Variants in NSG1 observed in about 807,000 individuals in gnomAD.
NSG1 encodes neuronal vesicle trafficking associated 1.
A neutral mutation model predicts 19.3 loss-of-function variants in NSG1; 9 were observed. That is an observed-to-expected ratio of 0.47 (90% CI 0.28 to 0.81). The LOEUF is 0.81. NSG1 is among the 40% of genes least tolerant of loss of function. NSG1 has a pLI of 0.11. For synonymous variants in NSG1, 104 were observed against 107.0 expected (o/e 0.97, Z 0.17); for missense variants, 236 against 242.4 (o/e 0.97, Z 0.18).
intron 3 of NSG1, among the ~76,000 whole-genome samples, chr4:4,407,011 T>C (rs1373247620): frequency 6.6e-6 from 1 of 152,256 alleles, no homozygotes; most frequent in Non-Finnish European, 1.5e-5. Flanking sequence ...TGCGCTGGCC[T>C]GTGCACTGCA....
At chr4:4,401,711 G>T (rs1723556233) in intron 3 of NSG1, among the ~76,000 whole-genome samples, 1 of 152,176 alleles carries the variant, frequency 6.6e-6, no homozygotes, top group African/African-American at 2.4e-5. Flanking sequence ...TCCCCTGGCT[G>T]CCTGGGGATT....
chr4:4,395,091 C>T (rs1306368155), intron 3 of NSG1, among the ~76,000 whole-genome samples: 1 of 152,222 alleles, frequency 6.6e-6, no homozygotes, highest in East Asian at 1.9e-4. Flanking sequence ...AACTTGCATT[C>T]TAAGGGCATC....
chr4:4,395,588 A>G (rs1318478978), intron 3 of NSG1, among the ~76,000 whole-genome samples: 2 of 152,040 alleles, frequency 1.3e-5, no homozygotes, highest in African/African-American at 4.8e-5. Flanking sequence ...TATGCTGGAG[A>G]CACGGGCATG....
intron 3 of NSG1, among the ~76,000 whole-genome samples, chr4:4,406,776 G>A (rs1723882249): frequency 6.6e-6 from 1 of 152,216 alleles, no homozygotes; most frequent in African/African-American, 2.4e-5. Context: ...CTCCCGGCCA[G>A]TGAGCTAGAG....
At chr4:4,404,279 G>A (rs1226690122) in intron 3 of NSG1, among the ~76,000 whole-genome samples, 2 of 152,228 alleles carry the variant, frequency 1.3e-5, no homozygotes, top group Non-Finnish European at 2.9e-5. Context: ...GCCCAGCATG[G>A]AGCCTGCAAC....
intron 3 of NSG1, among the ~76,000 whole-genome samples, chr4:4,393,029 G>A (rs1213849340): frequency 6.6e-6 from 1 of 152,136 alleles, no homozygotes; most frequent in African/African-American, 2.4e-5. Context: ...CTTATCTGCT[G>A]CCACTCACCT....
intron 4 of NSG1, among the ~76,000 whole-genome samples, chr4:4,410,227 G>A (rs1404172802): frequency 1.3e-5 from 2 of 152,212 alleles, no homozygotes; most frequent in Admixed American, 1.3e-4. Flanking sequence ...CTGGTGCTGG[G>A]CTCTCTACAG....
At position 4,403,056 on chromosome 4, in the gene NSG1, G is replaced by A. The variant is rs114039072; in HGVS notation, c.247-6517G>A. ...TCCAGGTGTCCAAGAGTTGTTCAGT[G>A]TGTGTTCATTAGGAGATGGAGTATC... On this transcript the variant is annotated intron_variant, in intron 3 of 4. Transcript: ENST00000621129. Among the ~76,000 whole-genome samples the A allele has an allele frequency of 1.4e-3, 217 of 152,346 alleles. 1 individual carries two copies. The highest frequency in any genetic ancestry group is 4.9e-3 in the African/African-American group (204 of 41,578).
Position 4,417,628 on chromosome 4 carries a change from G to A in NSG1, c.*193G>A, listed in dbSNP as rs1261125191. On this transcript the variant is annotated 3_prime_UTR_variant, in exon 5 of 5. Transcript: ENST00000621129. ...CGGGCATAAAATCAAGTGCATTTCAGCATTGCCTAAAGAGCTCTGACACCA... is the reference window on the plus strand; with the variant it reads ...CGGGCATAAAATCAAGTGCATTTCAACATTGCCTAAAGAGCTCTGACACCA... The A allele has an allele frequency of 5.0e-6, 3 of 598,190 alleles. No homozygotes were observed. The highest frequency in any genetic ancestry group is 1.9e-5 in the African/African-American group (1 of 53,774). The allele number at this position is 598,190 out of a possible 1,614,324, so 37.1% of individuals were successfully genotyped here. A position where few individuals can be genotyped will look rare whatever the true frequency, so the allele number is the denominator to read the frequency against.
At chr4:4,402,051 T>TC (rs1723575753) in intron 3 of NSG1, among the ~76,000 whole-genome samples, 1 of 141,692 alleles carries the variant, frequency 7.1e-6, no homozygotes, top group African/African-American at 2.7e-5. Flanking sequence ...CAGCTAATTT[T>TC]TTTTTTTTTT....
chr4:4,399,182 G>T (rs773514078), intron 3 of NSG1, among the ~76,000 whole-genome samples: 5 of 151,942 alleles, frequency 3.3e-5, no homozygotes, highest in Non-Finnish European at 5.9e-5. Context: ...TCACTCTGTC[G>T]CCGAGGCTGG....
Position 4,409,657 on chromosome 4 carries a change from G to A in NSG1, c.331G>A (p.Ala111Thr), listed in dbSNP as rs781465005. 6.2e-6 allele frequency: 10 copies of A among 1,614,004 alleles called. No individual in the cohort carries two copies. The highest frequency in any genetic ancestry group is 1.6e-4 in the Middle Eastern group (1 of 6,084). Reference protein sequence around the residue: ...VVYKVYKYDRACPDGFVLKNT... With the variant: ...VVYKVYKYDRTCPDGFVLKNT... ...CTACAAGGTGTACAAGTATGACCGCGCCTGCCCCGATGGGTTCGTCCTCAA... is the reference window on the plus strand; with the variant it reads ...CTACAAGGTGTACAAGTATGACCGCACCTGCCCCGATGGGTTCGTCCTCAA... Residue 111 changes from alanine (A) to threonine (T), a missense_variant, in exon 4 of 5, where the codon GCC (alanine) becomes ACC (threonine). Physicochemically the swap from Ala to Thr is moderately conservative, Grantham distance 58. Coordinates refer to ENST00000621129, the MANE Select transcript of NSG1 (RefSeq NM_014392.5).
chr4:4,399,430 A>C (rs1203825911), intron 3 of NSG1, among the ~76,000 whole-genome samples: 1 of 146,684 alleles, frequency 6.8e-6, no homozygotes, highest in African/African-American at 2.5e-5. Context: ...GGTGTGAGCC[A>C]CCTCACCCAG....
intron 4 of NSG1, among the ~76,000 whole-genome samples, chr4:4,414,638 A>G (rs1459250063): frequency 6.6e-6 from 1 of 152,236 alleles, no homozygotes; most frequent in Non-Finnish European, 1.5e-5. Context: ...GAATGCATCC[A>G]GAAGCCCTTT....
At chr4:4,401,064 T>C (rs568469419) in intron 3 of NSG1, among the ~76,000 whole-genome samples, 34 of 148,176 alleles carry the variant, frequency 2.3e-4, no homozygotes, top group African/African-American at 8.7e-4. Context: ...CCCACAGCAG[T>C]GGGGGCTGGG....
intron 4 of NSG1, chr4:4,416,210 G>C: frequency 1.4e-6 from 1 of 702,204 alleles, no homozygotes; most frequent in Non-Finnish European, 2.6e-6. Context: ...CAGCTGGTAC[G>C]GTGGGCCTGG....
intron 3 of NSG1, among the ~76,000 whole-genome samples, chr4:4,406,611 G>T (rs942484469): frequency 1.3e-5 from 2 of 152,126 alleles, no homozygotes; most frequent in African/African-American, 4.8e-5. Context: ...GCACACCCCA[G>T]GGCCAGTGAG....
At chr4:4,414,565 C>G (rs556385224) in intron 4 of NSG1, among the ~76,000 whole-genome samples, 1 of 152,178 alleles carries the variant, frequency 6.6e-6, no homozygotes, top group Non-Finnish European at 1.5e-5. Context: ...CATATTTGTG[C>G]GTGTGTTTGT....
At chr4:4,415,935 G>A in intron 4 of NSG1, 1 of 604,604 alleles carries the variant, frequency 1.7e-6, no homozygotes, top group Non-Finnish European at 2.9e-6. Flanking sequence ...GTCTGAATGG[G>A]CTGTTTGTTC....
Sources: gnomAD v4.1 joint callset for allele counts (sites outside exome capture counted in the v4.1 genomes callset) on GRCh38, gnomAD v4.1.1 for gene constraint, MANE v1.5 for transcripts, NCBI Gene and HGNC (gene_info 2026-07-23, HGNC 2026-07-21) for gene names.